Variants in FAM47E observed in about 807,000 individuals in gnomAD.
FAM47E encodes protein FAM47E.
In FAM47E, 32 loss-of-function variants were observed where a neutral mutation model predicts 41.6. The observed-to-expected ratio is 0.77, with a 90% CI of 0.58 to 1.03. The LOEUF is 1.03. Among genes scored for constraint, FAM47E ranks in the 50% least tolerant of loss-of-function variants. FAM47E has a pLI of 0.00. For synonymous variants in FAM47E, 184 were observed against 188.7 expected, an observed-to-expected ratio of 0.98 and a Z score of 0.20; for missense variants, 424 against 485.4, an observed-to-expected ratio of 0.87 and a Z score of 1.19.
At chr4:76,261,120 C>CGA (rs1734396457) in intron 2 of FAM47E, among the ~76,000 whole-genome samples, 1 of 151,694 alleles carries the variant, frequency 6.6e-6, no homozygotes, top group Non-Finnish European at 1.5e-5. Flanking sequence ...CAATGAGATA[C>CGA]GAGATACCAT....
intron 2 of FAM47E, among the ~76,000 whole-genome samples, chr4:76,261,056 A>G (rs1248746387): frequency 6.6e-6 from 1 of 152,150 alleles, no homozygotes; most frequent in Non-Finnish European, 1.5e-5. Context: ...GCCAACAAAC[A>G]TATGAAGAAA....
chr4:76,260,422 C>G (rs183998507), intron 2 of FAM47E, among the ~76,000 whole-genome samples: 16 of 152,190 alleles, frequency 1.1e-4, no homozygotes, highest in Non-Finnish European at 1.5e-4. Context: ...CACCTACAAC[C>G]AGCTGATCTT....
intron 2 of FAM47E, among the ~76,000 whole-genome samples, chr4:76,237,350 A>C (rs912144057): frequency 2.5e-4 from 13 of 52,364 alleles, no homozygotes; most frequent in African/African-American, 6.8e-4. Flanking sequence ...GGGGCCTTAG[A>C]GTTTTTTTTT....
chr4:76,235,844 A>G (rs191731854), intron 2 of FAM47E, among the ~76,000 whole-genome samples: 27 of 152,350 alleles, frequency 1.8e-4, no homozygotes, highest in African/African-American at 6.5e-4. Flanking sequence ...TTTATATGTG[A>G]TAATCAATTT....
upstream of FAM47E, among the ~76,000 whole-genome samples, chr4:76,249,142 C>T (rs965644003): frequency 2.0e-5 from 3 of 151,932 alleles, no homozygotes; most frequent in Non-Finnish European, 2.9e-5. Flanking sequence ...GCAGGAGGAT[C>T]GCTTGAACCC....
At chr4:76,259,760 G>A (rs1734330622) in intron 2 of FAM47E, among the ~76,000 whole-genome samples, 1 of 152,162 alleles carries the variant, frequency 6.6e-6, no homozygotes, top group African/African-American at 2.4e-5. Flanking sequence ...ATTTGGCAAT[G>A]ACAGAAACTT....
upstream of FAM47E, among the ~76,000 whole-genome samples, chr4:76,249,674 C>CT (rs940185645): frequency 9.2e-5 from 14 of 152,066 alleles, no homozygotes; most frequent in African/African-American, 3.4e-4. Flanking sequence ...AATGTGTAGT[C>CT]TTTTATCTCT....
At position 76,251,728 on chromosome 4, in the gene FAM47E, C is replaced by G. The variant is rs765045963; in HGVS notation, c.-19C>G. ...CACACCGCCCAAGCCCGGACGGTGG[C>G]CGCGAAGCTAGGGCCACCATGGCGG... On this transcript the variant is annotated 5_prime_UTR_variant, in exon 1 of 8. Transcript: ENST00000424749. The G allele has an allele frequency of 1.6e-4, 235 of 1,472,098 alleles. No individual in the cohort carries two copies. Among genetic ancestry groups the G allele is most frequent in the Non-Finnish European group, 2.0e-4 (221 of 1,118,792 alleles). 91.2% of individuals were successfully genotyped at this position (1,472,098 alleles called of 1,614,324 possible).
chr4:76,226,121 GAGACA>G (rs1359810844), intron 2 of FAM47E, among the ~76,000 whole-genome samples: 4 of 152,212 alleles, frequency 2.6e-5, no homozygotes, highest in Admixed American at 2.0e-4. Flanking sequence ...TCAAAGGAAT[GAGACA>G]AGACAAGTTA....
chr4:76,220,364 T>C (rs1733287024), intron 2 of FAM47E, among the ~76,000 whole-genome samples: 1 of 152,222 alleles, frequency 6.6e-6, no homozygotes, highest in Non-Finnish European at 1.5e-5. Flanking sequence ...TGGTGGCTCA[T>C]ACCTGTAATA....
At position 76,256,455 on chromosome 4, in the gene FAM47E, G is replaced by T; in HGVS notation, c.352G>T (p.Val118Leu). ...QQARKAFLED[V>L]EAHLTPHPLA... The stretch of plus-strand genomic sequence containing the variant: ...GGCTCGGAAGGCATTCCTGGAGGAC[G>T]TGGAGGCCCACCTGACCCCACATCC... Residue 118 changes from valine (V) to leucine (L), a missense_variant, in exon 2 of 8, where the codon GTG becomes TTG. Val to Leu is a conservative substitution (Grantham distance 32). Coordinates refer to ENST00000424749, the MANE Select transcript of FAM47E (RefSeq NM_001136570.3). 1 of 1,551,916 alleles carries T rather than the reference G, an allele frequency of 6.4e-7. No individual in the cohort carries two copies. The highest frequency in any genetic ancestry group is 8.7e-7 in the Non-Finnish European group (1 of 1,147,170).
chr4:76,255,894 A>G (rs17001727), intron 1 of FAM47E, among the ~76,000 whole-genome samples: 4,753 of 152,252 alleles, frequency 0.031, 261 homozygotes, highest in African/African-American at 0.11. Context: ...TTCCAAATCC[A>G]CTAGGGCAGT....
intron 2 of FAM47E, among the ~76,000 whole-genome samples, chr4:76,241,722 T>C (rs1400663361): frequency 6.6e-6 from 1 of 152,212 alleles, no homozygotes; most frequent in Non-Finnish European, 1.5e-5. Flanking sequence ...GTCGGATTCC[T>C]GGTGCTTTCT....
At chr4:76,280,151 A>T (rs1295351861) in intron 6 of FAM47E, 113 bp from the exon 7 acceptor site, 5 of 643,606 alleles carry the variant, frequency 7.8e-6, no homozygotes, top group Non-Finnish European at 1.3e-5. Flanking sequence ...AACAAGAAGG[A>T]TATGGGTTAA....
intron 5 of FAM47E, among the ~76,000 whole-genome samples, chr4:76,275,644 G>T (rs759108088): frequency 1.2e-4 from 18 of 152,090 alleles, no homozygotes; most frequent in Non-Finnish European, 2.5e-4. Flanking sequence ...ATAGGAAGAG[G>T]TAATCAATTC....
intron 5 of FAM47E, among the ~76,000 whole-genome samples, chr4:76,277,302 G>A (rs183293862): frequency 6.6e-6 from 1 of 152,044 alleles, no homozygotes; most frequent in Non-Finnish European, 1.5e-5. Context: ...GGCTAACATG[G>A]TGAAACCCCG....
At chr4:76,253,487 A>C (rs1336173154) in intron 1 of FAM47E, among the ~76,000 whole-genome samples, 4 of 152,198 alleles carry the variant, frequency 2.6e-5, no homozygotes, top group Non-Finnish European at 5.9e-5. Flanking sequence ...AATTGTTTCC[A>C]GTTTTATTTT....
Position 76,273,158 on chromosome 4 carries a change from G to C in FAM47E, c.870+1390G>C, listed in dbSNP as rs1353126363. Among the ~76,000 whole-genome samples, 4 of 152,284 alleles carry C rather than the reference G, an allele frequency of 2.6e-5. No individual in the cohort carries two copies. The East Asian group carries it at 7.7e-4, about 29-fold the overall frequency. On this transcript the variant is annotated intron_variant, in intron 5 of 7. Transcript: ENST00000424749. The stretch of plus-strand genomic sequence containing the variant: ...GGCGGTTACTCAGTGACTAAGGGTG[G>C]GTAGTGTGTACAGTGTGGATACTCT...
chr4:76,238,319 C>T (rs901928168), intron 2 of FAM47E, among the ~76,000 whole-genome samples: 1 of 152,160 alleles, frequency 6.6e-6, no homozygotes, highest in African/African-American at 2.4e-5. Flanking sequence ...TTTTCTCTAC[C>T]TCCGCTTCCC....
Sources: allele counts gnomAD v4.1 joint callset (sites outside exome capture counted in the v4.1 genomes callset), GRCh38; gene constraint gnomAD v4.1.1; transcripts MANE v1.5; gene names NCBI Gene and HGNC (gene_info 2026-07-23, HGNC 2026-07-21).